Variants in NRXN3 observed in about 807,000 individuals in gnomAD.
The protein encoded by NRXN3 is neurexin III.
In NRXN3, 32 loss-of-function variants were observed where a neutral mutation model predicts 137.6. That is an observed-to-expected ratio of 0.23 (90% CI 0.18 to 0.31). The LOEUF is 0.31. Among genes scored for constraint, NRXN3 ranks in the 10% least tolerant of loss-of-function variants. NRXN3 has a pLI of 1.00. For missense variants in NRXN3, 1,574 were observed against 2,062.5 expected (o/e 0.76, Z 4.59); for synonymous variants, 798 against 784.5 (o/e 1.02, Z -0.29).
At chr14:78,339,954 C>A (rs1000499854) in intron 4 of NRXN3, among the ~76,000 whole-genome samples, 8 of 152,102 alleles carry the variant, frequency 5.3e-5, no homozygotes, top group Non-Finnish European at 7.4e-5. Context: ...CCCTTTTAAT[C>A]CAGAATCTTC....
At chr14:79,768,347 T>A (rs2099063724) in intron 19 of NRXN3, among the ~76,000 whole-genome samples, 1 of 152,204 alleles carries the variant, frequency 6.6e-6, no homozygotes, top group African/African-American at 2.4e-5. Flanking sequence ...AAGACAGCAG[T>A]AACCTCTGCA....
At chr14:79,498,052 C>CA (rs2096784333) in intron 16 of NRXN3, among the ~76,000 whole-genome samples, 1 of 151,642 alleles carries the variant, frequency 6.6e-6, no homozygotes, top group African/African-American at 2.4e-5. Flanking sequence ...AACAAACAAA[C>CA]AAACAAAAAA....
In NRXN3 at chr14:78,967,208, G is replaced by C. The variant is rs751328528; in HGVS notation, c.2778G>C (p.Gly926=). ...TGTTTTTTTTTTTTTTTCTTCCTAG[G>C]TATATACACTACGTTTTTGACCTCG... The part of the protein sequence containing the change: ...NDFIAVELVK[G]YIHYVFDLGN... The change falls in exon 13 of 21, where the codon GGG becomes GGC. Residue 926 remains glycine, a splice_region_variant and synonymous_variant. Coordinates refer to ENST00000335750, the MANE Select transcript of NRXN3 (RefSeq NM_001330195.2). 1 of 1,604,584 alleles carries C rather than the reference G, an allele frequency of 6.2e-7. No homozygotes were observed. The highest frequency in any genetic ancestry group is 1.1e-5 in the South Asian group (1 of 90,138).
At chr14:78,554,375 G>T (rs2096719540) in intron 4 of NRXN3, among the ~76,000 whole-genome samples, 1 of 152,070 alleles carries the variant, frequency 6.6e-6, no homozygotes, top group African/African-American at 2.4e-5. Context: ...CCTTCTGCTG[G>T]GCTCCTTTCC....
At chr14:79,752,304 G>A (rs538016039) in intron 19 of NRXN3, among the ~76,000 whole-genome samples, 82 of 151,920 alleles carry the variant, frequency 5.4e-4, no homozygotes, top group African/African-American at 1.9e-3. Context: ...GTCTGTTTTG[G>A]TTACTGCAGC....
chr14:78,950,959 T>C (rs2099385998), intron 10 of NRXN3, among the ~76,000 whole-genome samples: 1 of 152,138 alleles, frequency 6.6e-6, no homozygotes, highest in Non-Finnish European at 1.5e-5. Flanking sequence ...TGTTTTCATC[T>C]ACCCAGTTTG....
At chr14:79,249,621 C>T (rs1002980841) in intron 15 of NRXN3, among the ~76,000 whole-genome samples, 2 of 152,146 alleles carry the variant, frequency 1.3e-5, no homozygotes, top group Admixed American at 6.6e-5. Context: ...GCTACTGGCA[C>T]ATTCATAACA....
At chr14:79,403,320 T>G (rs2095248776) in intron 15 of NRXN3, among the ~76,000 whole-genome samples, 1 of 152,134 alleles carries the variant, frequency 6.6e-6, no homozygotes, top group Admixed American at 6.6e-5. Context: ...TAGGTGAAAT[T>G]ACCATATGAT....
chr14:78,300,654 A>G, intron 4 of NRXN3: 1 of 1,526,364 alleles, frequency 6.6e-7, no homozygotes, highest in East Asian at 2.4e-5. Context: ...TGCTTCCTCT[A>G]CTTAATTGGA....
chr14:79,714,623 AAT>A (rs1385670882), intron 19 of NRXN3, among the ~76,000 whole-genome samples: 3 of 152,320 alleles, frequency 2.0e-5, no homozygotes, highest in African/African-American at 7.2e-5. Context: ...TGCATTCAGC[AAT>A]ATGTCTGCTA....
At chr14:78,875,203 T>C (rs1034191966) in intron 10 of NRXN3, among the ~76,000 whole-genome samples, 2 of 152,182 alleles carry the variant, frequency 1.3e-5, no homozygotes, top group African/African-American at 4.8e-5. Flanking sequence ...GTTCTAGAAC[T>C]GGCAAAACAA....
intron 14 of NRXN3, among the ~76,000 whole-genome samples, chr14:78,982,375 T>C (rs182855448): frequency 2.0e-5 from 3 of 152,298 alleles, no homozygotes; most frequent in Admixed American, 2.0e-4. Flanking sequence ...GCTTCTGCCC[T>C]TGAGAGGCTT....
chr14:78,406,528 G>A (rs2092496014), intron 4 of NRXN3, among the ~76,000 whole-genome samples: 1 of 152,168 alleles, frequency 6.6e-6, no homozygotes, highest in South Asian at 2.1e-4. Context: ...GGAAAATCTG[G>A]GTAGAAGAAG....
At chr14:79,229,721 G>A (rs940991940) in intron 15 of NRXN3, among the ~76,000 whole-genome samples, 1 of 152,090 alleles carries the variant, frequency 6.6e-6, no homozygotes, top group Non-Finnish European at 1.5e-5. Flanking sequence ...CAGCTCACTT[G>A]GATATAATTT....
At chr14:79,358,869 AC>A (rs2153412331) in intron 15 of NRXN3, among the ~76,000 whole-genome samples, 1 of 152,260 alleles carries the variant, frequency 6.6e-6, no homozygotes, top group South Asian at 2.1e-4. Context: ...TAAAGATGTG[AC>A]TTAAAAGAGA....
intron 10 of NRXN3, among the ~76,000 whole-genome samples, chr14:78,816,642 T>C (rs1219236201): frequency 2.6e-5 from 4 of 152,188 alleles, no homozygotes; most frequent in African/African-American, 9.6e-5. Context: ...AATGCATACA[T>C]GTATAAGAAG....
intron 16 of NRXN3, among the ~76,000 whole-genome samples, chr14:79,615,594 G>T (rs1038331100): frequency 1.3e-5 from 2 of 152,124 alleles, no homozygotes; most frequent in African/African-American, 4.8e-5. Context: ...ACATGGCTGG[G>T]AAGGCCTCAG....
At chr14:78,400,009 T>G (rs563297775) in intron 4 of NRXN3, among the ~76,000 whole-genome samples, 11 of 152,252 alleles carry the variant, frequency 7.2e-5, no homozygotes, top group Non-Finnish European at 1.2e-4. Context: ...TTACAATATC[T>G]ATTGTAACAG....
intron 4 of NRXN3, among the ~76,000 whole-genome samples, chr14:78,481,706 A>G (rs1479041787): frequency 2.0e-5 from 3 of 152,310 alleles, no homozygotes; most frequent in South Asian, 4.1e-4. Context: ...TTATCTTCAT[A>G]CCAAAAACAA....
Sources: gnomAD v4.1 joint callset for allele counts (sites outside exome capture counted in the v4.1 genomes callset) on GRCh38, gnomAD v4.1.1 for gene constraint, MANE v1.5 for transcripts, NCBI Gene and HGNC (gene_info 2026-07-23, HGNC 2026-07-21) for gene names.